COL27A1: variants seen among roughly 807,000 people sequenced by gnomAD.
The protein encoded by COL27A1 is collagen alpha-1(XXVII) chain.
Under a neutral mutation model 251.3 loss-of-function variants are expected in COL27A1, and 106 were observed. The observed-to-expected ratio is 0.42, with a 90% CI of 0.36 to 0.50. The LOEUF is 0.50. Ranked by LOEUF, COL27A1 falls within the 20% of genes least tolerant of loss-of-function variation. COL27A1 has a pLI of 0.00. For missense variants in COL27A1, 2,325 were observed against 2,522.8 expected, an observed-to-expected ratio of 0.92 and a Z score of 1.68; for synonymous variants, 1,000 against 986.3, an observed-to-expected ratio of 1.01 and a Z score of -0.26.
At chr9:114,163,703 G>A (rs997460298) in intron 2 of COL27A1, among the ~76,000 whole-genome samples, 5 of 152,210 alleles carry the variant, frequency 3.3e-5, no homozygotes, top group African/African-American at 9.6e-5. Flanking sequence ...CTGGCCACTC[G>A]GCAGGGATTG....
intron 33 of COL27A1, 39 bp downstream of exon 33, chr9:114,266,657 T>G (rs775959001): frequency 1.3e-6 from 2 of 1,568,876 alleles, no homozygotes; most frequent in Non-Finnish European, 8.8e-7. Context: ...ATGATGCTGC[T>G]GGGGATGTAT....
At chr9:114,289,421 C>T (rs1022555451) in intron 45 of COL27A1, 126 bp downstream of exon 45, 146 of 863,760 alleles carry the variant, frequency 1.7e-4, no homozygotes, top group Non-Finnish European at 2.4e-4. Flanking sequence ...GGGCGGCCCA[C>T]CAGGAGCCCG....
intron 24 of COL27A1, among the ~76,000 whole-genome samples, chr9:114,250,357 G>A (rs908343356): frequency 2.6e-5 from 4 of 152,230 alleles, no homozygotes; most frequent in Non-Finnish European, 5.9e-5. Flanking sequence ...TTCTGGCGCG[G>A]GAAGAATGTG....
At chr9:114,243,014 G>A (rs1006399710) in intron 22 of COL27A1, among the ~76,000 whole-genome samples, 5 of 152,194 alleles carry the variant, frequency 3.3e-5, no homozygotes, top group Non-Finnish European at 5.9e-5. Context: ...AATATTGCGC[G>A]CCATGCAGCC....
intron 49 of COL27A1, among the ~76,000 whole-genome samples, chr9:114,292,661 G>A (rs1295467397): frequency 1.3e-5 from 2 of 152,228 alleles, no homozygotes; most frequent in Non-Finnish European, 2.9e-5. Context: ...GATTGTCAGA[G>A]TGGATGAAAA....
chr9:114,277,293 A>C (rs187458146), intron 37 of COL27A1, among the ~76,000 whole-genome samples: 8 of 152,238 alleles, frequency 5.3e-5, no homozygotes, highest in African/African-American at 1.7e-4. Context: ...CCAAATGCAC[A>C]GGCCTGCTGG....
intron 4 of COL27A1, among the ~76,000 whole-genome samples, chr9:114,180,624 A>G (rs888646376): frequency 1.2e-4 from 19 of 152,142 alleles, no homozygotes; most frequent in African/African-American, 4.1e-4. Context: ...TCTGGGGCTT[A>G]AGGAGGGGCA....
At chr9:114,228,587 C>T (rs1831687894) in intron 14 of COL27A1, among the ~76,000 whole-genome samples, 1 of 152,216 alleles carries the variant, frequency 6.6e-6, no homozygotes, top group Non-Finnish European at 1.5e-5. Context: ...GGTGCCCCGA[C>T]TCCGTGATAT....
In COL27A1 at chr9:114,170,324, G is replaced by A. The variant is rs535158447; in HGVS notation, c.1908+861G>A. Among the ~76,000 whole-genome samples, 119 of 152,338 alleles carry A rather than the reference G, an allele frequency of 7.8e-4. 1 individual carries two copies. The highest frequency in any genetic ancestry group is 2.6e-3 in the African/African-American group (110 of 41,578). On this transcript the variant is annotated intron_variant, in intron 3 of 60. Coordinates refer to ENST00000356083, the MANE Select transcript of COL27A1 (RefSeq NM_032888.4). ...CGATGCCTCCGGCTTGCCTGGGACCGTCTCTAGGGGCAACGACCTTCCCAC... is the reference window on the plus strand; with the variant it reads ...CGATGCCTCCGGCTTGCCTGGGACCATCTCTAGGGGCAACGACCTTCCCAC...
At chr9:114,178,558 T>C (rs1827652940) in intron 4 of COL27A1, among the ~76,000 whole-genome samples, 2 of 152,124 alleles carry the variant, frequency 1.3e-5, no homozygotes, top group Non-Finnish European at 2.9e-5. Flanking sequence ...CTCTTGTAGG[T>C]CTCAGTTGTC....
intron 14 of COL27A1, among the ~76,000 whole-genome samples, chr9:114,223,544 C>T (rs560047078): frequency 6.6e-6 from 1 of 152,290 alleles, no homozygotes; most frequent in South Asian, 2.1e-4. Context: ...GACTGAACTT[C>T]ACCTTGGCCT....
At chr9:114,267,127 G>A (rs1284725757) in intron 33 of COL27A1, among the ~76,000 whole-genome samples, 13 of 152,218 alleles carry the variant, frequency 8.5e-5, no homozygotes, top group African/African-American at 3.1e-4. Context: ...CGCTGGCTAA[G>A]CTGTAGAGAG....
At chr9:114,205,070 C>T in intron 7 of COL27A1, 32 bp from the exon 8 acceptor site, 1 of 1,612,362 alleles carries the variant, frequency 6.2e-7, no homozygotes. Flanking sequence ...TGTGTCCTCC[C>T]TGCCTGATGC....
chr9:114,303,558 T>A (rs532004097), intron 56 of COL27A1, among the ~76,000 whole-genome samples: 1 of 152,278 alleles, frequency 6.6e-6, no homozygotes, highest in East Asian at 1.9e-4. Flanking sequence ...TTTTCATGTA[T>A]TCACTCATGT....
At chr9:114,160,620 T>C (rs1178612837) in intron 1 of COL27A1, among the ~76,000 whole-genome samples, 2 of 151,354 alleles carry the variant, frequency 1.3e-5, no homozygotes, top group Non-Finnish European at 2.9e-5. Flanking sequence ...GGAGGATAGC[T>C]TGAGCCCTGG....
rs578068082 is a variant in COL27A1, at chr9:114,158,056, G to A, written c.62+2044G>A. On this transcript the variant is annotated intron_variant, in intron 1 of 60. Coordinates refer to ENST00000356083, the MANE Select transcript of COL27A1 (RefSeq NM_032888.4). ...ACCTGTCTGTGTTCCCATGGAGGAC[G>A]TGGAAGCTGTGAAGAAAGCCCAGGC... Among the ~76,000 whole-genome samples, 319 of 152,306 alleles carry A rather than the reference G, an allele frequency of 2.1e-3. 1 individual carries two copies. The highest frequency in any genetic ancestry group is 0.01 in the Middle Eastern group (3 of 294).
chr9:114,254,186 G>A (rs1358093332), intron 27 of COL27A1, among the ~76,000 whole-genome samples: 1 of 152,144 alleles, frequency 6.6e-6, no homozygotes, highest in Admixed American at 6.5e-5. Flanking sequence ...ACAAAGATGG[G>A]AAATGCTGGA....
At chr9:114,300,600 A>G (rs1378660426) in intron 50 of COL27A1, 25 bp from the exon 51 acceptor site, 2 of 1,532,666 alleles carry the variant, frequency 1.3e-6, no homozygotes, top group Non-Finnish European at 8.8e-7. Context: ...CCAAGTACAG[A>G]CAGCCCTTTC....
intron 7 of COL27A1, among the ~76,000 whole-genome samples, chr9:114,201,528 C>G (rs984516251): frequency 6.6e-6 from 1 of 152,162 alleles, no homozygotes; most frequent in Non-Finnish European, 1.5e-5. Flanking sequence ...CGGCAATGTT[C>G]AAGGCCCTTC....
Sources: gnomAD v4.1 joint callset for allele counts (sites outside exome capture counted in the v4.1 genomes callset) on GRCh38, gnomAD v4.1.1 for gene constraint, MANE v1.5 for transcripts, NCBI Gene and HGNC (gene_info 2026-07-23, HGNC 2026-07-21) for gene names.